The following MAP4K3 variants were observed in gnomAD, a reference collection of about 807,000 sequenced individuals.
MAP4K3 encodes the protein MAPK/ERK kinase kinase kinase 3.
A neutral mutation model predicts 143.5 loss-of-function variants in MAP4K3; 94 were observed. The observed-to-expected ratio is 0.65, with a 90% confidence interval of 0.55 to 0.78. The LOEUF is 0.78. Ranked by LOEUF, MAP4K3 falls within the 30% of genes least tolerant of loss-of-function variation. The pLI is 0.00. For missense variants in MAP4K3, 1,077 were observed against 1,068.1 expected, an observed-to-expected ratio of 1.01 and a Z score of -0.12; for synonymous variants, 416 against 347.2, an observed-to-expected ratio of 1.20 and a Z score of -2.20.
At chr2:39,333,615 A>G in intron 6 of MAP4K3, 41 bp from the exon 7 acceptor site, 4 of 1,155,604 alleles carry the variant, frequency 3.5e-6, no homozygotes, top group Non-Finnish European at 5.2e-6. Context: ...GGAAATAGAT[A>G]TTTTATCAGA....
intron 15 of MAP4K3, among the ~76,000 whole-genome samples, chr2:39,305,632 C>A (rs1364817529): frequency 6.6e-6 from 1 of 152,150 alleles, no homozygotes; most frequent in Non-Finnish European, 1.5e-5. Context: ...TCTGCCCGAA[C>A]TAACCTAATA....
intron 1 of MAP4K3, among the ~76,000 whole-genome samples, chr2:39,385,454 T>G (rs1489953043): frequency 6.6e-6 from 1 of 151,476 alleles, no homozygotes; most frequent in Non-Finnish European, 1.5e-5. Flanking sequence ...AGTCTATTCA[T>G]GTGCTTACCT....
At chr2:39,265,068 T>C (rs971516205) in intron 28 of MAP4K3, 135 bp downstream of exon 28, 20 of 678,404 alleles carry the variant, frequency 2.9e-5, no homozygotes, top group Non-Finnish European at 4.8e-5. Flanking sequence ...ACTGGGCAGA[T>C]TTTTACAACC....
At chr2:39,406,547 C>G (rs1308115880) in intron 1 of MAP4K3, among the ~76,000 whole-genome samples, 1 of 152,018 alleles carries the variant, frequency 6.6e-6, no homozygotes, top group African/African-American at 2.4e-5. Context: ...TCAGTGGGAG[C>G]CTTACAGGCC....
chr2:39,379,821 G>C (rs1666313783), intron 1 of MAP4K3: 1 of 168,542 alleles, frequency 5.9e-6, no homozygotes, highest in African/African-American at 2.4e-5. Context: ...AGAAAGCTAG[G>C]ATGATTATAA....
intron 1 of MAP4K3, chr2:39,436,558 G>T: frequency 3.6e-6 from 1 of 276,376 alleles, no homozygotes; most frequent in Non-Finnish European, 7.0e-6. Context: ...CGCTGACCCT[G>T]CCAACGCAAC....
chr2:39,271,805 C>CCT (rs1681037132), intron 26 of MAP4K3: 1 of 154,800 alleles, frequency 6.5e-6, no homozygotes, highest in African/African-American at 2.4e-5. Flanking sequence ...CTATGTTGCT[C>CCT]AGGCTGGTCT....
intron 15 of MAP4K3, among the ~76,000 whole-genome samples, chr2:39,305,528 C>T (rs745408231): frequency 6.6e-6 from 1 of 152,150 alleles, no homozygotes; most frequent in Non-Finnish European, 1.5e-5. Flanking sequence ...ATAAAAACCT[C>T]TAGATAAATG....
intron 12 of MAP4K3, among the ~76,000 whole-genome samples, chr2:39,319,775 C>G (rs531836136): frequency 6.6e-6 from 1 of 152,240 alleles, no homozygotes; most frequent in African/African-American, 2.4e-5. Flanking sequence ...ATTCACATAC[C>G]TGATGTGCTC....
chr2:39,348,420 T>C (rs1665358611), intron 3 of MAP4K3, among the ~76,000 whole-genome samples: 1 of 152,160 alleles, frequency 6.6e-6, no homozygotes, highest in African/African-American at 2.4e-5. Context: ...ATATTCTATT[T>C]AGTTAAAGTC....
Position 39,349,025 on chromosome 2 carries a change from G to C in MAP4K3, c.246-5573C>G, listed in dbSNP as rs913360174. ...ATCAGCAACTCTCTAATATCTGCCT[G>C]AAGTTGGCATACGGAGTCTTCCTCC... On this transcript the variant is annotated intron_variant, in intron 3 of 33. Transcript: ENST00000263881. Among the ~76,000 whole-genome samples, 11 of 152,298 alleles carry C rather than the reference G, an allele frequency of 7.2e-5. 1 individual carries two copies. In the South Asian group the frequency reaches 2.3e-3, roughly 32 times the overall value.
chr2:39,350,552 T>C (rs1277813723), intron 3 of MAP4K3, among the ~76,000 whole-genome samples: 2 of 152,244 alleles, frequency 1.3e-5, no homozygotes, highest in African/African-American at 2.4e-5. Flanking sequence ...AAGATATTCA[T>C]AAATGTATTT....
chr2:39,326,984 C>T (rs1160431179), intron 8 of MAP4K3, among the ~76,000 whole-genome samples: 1 of 152,160 alleles, frequency 6.6e-6, no homozygotes, highest in Non-Finnish European at 1.5e-5. Context: ...AAAGACTCTG[C>T]ACTTCAGTCC....
intron 32 of MAP4K3, among the ~76,000 whole-genome samples, chr2:39,253,900 T>C (rs1172077508): frequency 6.6e-6 from 1 of 152,190 alleles, no homozygotes; most frequent in East Asian, 1.9e-4. Context: ...AGTTAAATTA[T>C]TTCTGTGAGG....
chr2:39,337,563 T>G lies in MAP4K3; in HGVS notation c.329A>C (p.Glu110Ala). ...TCTGCTAACATATGCAATTTGCAGT[T>G]CTGACAGAGGTCCAGTTACTGTAAA... ...DIYHVTGPLSELQIAYVSRET... is the reference protein window; with the variant it reads ...DIYHVTGPLSALQIAYVSRET... Residue 110 changes from glutamate to alanine, a missense_variant, in exon 5 of 34, where the codon GAA becomes GCA. By Grantham distance (107) the Glu-to-Ala change is moderately radical (BLOSUM62 -1). Coordinates refer to ENST00000263881, the MANE Select transcript of MAP4K3 (RefSeq NM_003618.4). 1 of 1,611,376 alleles carries G rather than the reference T, an allele frequency of 6.2e-7. No individual in the cohort carries two copies. Among genetic ancestry groups the G allele is most frequent in the Non-Finnish European group, 8.5e-7 (1 of 1,177,958 alleles).
At chr2:39,358,684 T>TA in intron 2 of MAP4K3, among the ~76,000 whole-genome samples, 1 of 152,042 alleles carries the variant, frequency 6.6e-6, no homozygotes, top group Non-Finnish European at 1.5e-5. Flanking sequence ...TAAAGGTAAA[T>TA]AAAAAATGTA....
intron 3 of MAP4K3, among the ~76,000 whole-genome samples, chr2:39,345,089 T>TCA (rs1055409138): frequency 4.6e-5 from 7 of 152,294 alleles, no homozygotes; most frequent in African/African-American, 1.7e-4. Flanking sequence ...GTGGAGATGC[T>TCA]GAGCCAGGCC....
chr2:39,377,975 A>C, intron 2 of MAP4K3, 91 bp downstream of exon 2: 1 of 801,818 alleles, frequency 1.2e-6, no homozygotes, highest in Non-Finnish European at 2.1e-6. Flanking sequence ...TGGGGAAAAC[A>C]AGAGAATGTT....
chr2:39,333,174 A>C (rs914078473), intron 7 of MAP4K3, among the ~76,000 whole-genome samples: 1 of 152,174 alleles, frequency 6.6e-6, no homozygotes, highest in Admixed American at 6.6e-5. Flanking sequence ...TGAAGAATAA[A>C]GTGTTTTTGG....
Sources: allele counts gnomAD v4.1 joint callset (sites outside exome capture counted in the v4.1 genomes callset), GRCh38; gene constraint gnomAD v4.1.1; transcripts MANE v1.5; gene names NCBI Gene and HGNC (gene_info 2026-07-23, HGNC 2026-07-21).